Variants in DCP2 observed in about 807,000 individuals in gnomAD.
DCP2 encodes the protein decapping mRNA 2, also known as m7GpppN-mRNA hydrolase.
A neutral mutation model predicts 56.1 loss-of-function variants in DCP2; 30 were observed. The ratio of observed to expected loss-of-function variants is 0.53; its 90% CI spans 0.40 to 0.73. The LOEUF is 0.73. Ranked by LOEUF, DCP2 falls within the 30% of genes least tolerant of loss-of-function variation. The probability of loss-of-function intolerance (pLI) is 0.00; values close to 1 mark genes in which losing one functional copy is unlikely to be tolerated. For missense variants in DCP2, 533 were observed against 502.7 expected (o/e 1.06, Z -0.58); for synonymous variants, 197 against 163.3 (o/e 1.21, Z -1.57).
In DCP2 at chr5:113,013,443, A is replaced by G. The variant is rs773964328; in HGVS notation, c.1222A>G (p.Lys408Glu). The G allele has an allele frequency of 1.2e-6, 2 of 1,614,072 alleles. No individual in the cohort carries two copies. The highest frequency in any genetic ancestry group is 1.7e-6 in the Non-Finnish European group (2 of 1,179,984). Reference sequence around the variant, plus strand: ...TTCATCCAGAGCCTTTTTGAGTTTCAAGTTTGACCATAATGCTATAATGAA... The same window carrying G: ...TTCATCCAGAGCCTTTTTGAGTTTCGAGTTTGACCATAATGCTATAATGAA... Reference protein sequence around the residue: ...PFSSRAFLSFKFDHNAIMKIL... With the variant: ...PFSSRAFLSFEFDHNAIMKIL... The change falls in exon 11 of 11, where the codon AAG becomes GAG. Residue 408 changes from lysine (K) to glutamate (E), a missense_variant. Lys to Glu is a moderately conservative substitution (Grantham distance 56). Coordinates refer to ENST00000389063, the MANE Select transcript of DCP2 (RefSeq NM_152624.6).
rs1470796647 is a variant in DCP2 at position 113,020,758 on chromosome 5, C to A, written c.*7274C>A. ...TCTCCACTGAGAAAATGAACAAAAT[C>A]CTATGTCTTAACAGTTATGCTCTAA... On this transcript the variant is annotated 3_prime_UTR_variant, in exon 11 of 11. Coordinates refer to ENST00000389063, the MANE Select transcript of DCP2 (RefSeq NM_152624.6). 1 of 152,116 alleles carries A rather than the reference C, an allele frequency of 6.6e-6. No individual in the cohort carries two copies. The highest frequency in any genetic ancestry group is 2.4e-5 in the African/African-American group (1 of 41,420). 9.4% of individuals were successfully genotyped at this position (152,116 alleles called of 1,614,324 possible).
chr5:112,992,618 A>G, intron 3 of DCP2, 54 bp from the exon 4 acceptor site: 1 of 1,274,484 alleles, frequency 7.8e-7, no homozygotes, highest in Admixed American at 2.3e-5. Flanking sequence ...GATTTTTAGA[A>G]AGGAGCATGG....
intron 4 of DCP2, among the ~76,000 whole-genome samples, chr5:112,997,701 G>A (rs1296049733): frequency 6.6e-6 from 1 of 150,558 alleles, no homozygotes; most frequent in African/African-American, 2.4e-5. Context: ...CCCAACCTCC[G>A]CCTCCCGGGT....
intron 8 of DCP2, 100 bp downstream of exon 8, chr5:113,004,177 C>A: frequency 7.5e-7 from 1 of 1,328,476 alleles, no homozygotes; most frequent in East Asian, 2.4e-5. Flanking sequence ...ACAGAGAGCT[C>A]TGAGTTACTG....
chr5:112,998,331 A>T (rs564911202), intron 4 of DCP2, among the ~76,000 whole-genome samples: 7 of 152,150 alleles, frequency 4.6e-5, no homozygotes, highest in Non-Finnish European at 4.4e-5. Context: ...GCAAACTCCT[A>T]TTTATCTTTT....
rs1749649665 is a variant in DCP2 at position 113,010,737 on chromosome 5, T to TG, written c.1048-19_1048-18insG. On this transcript the variant is annotated intron_variant, in intron 9 of 10. Coordinates refer to ENST00000389063, the MANE Select transcript of DCP2 (RefSeq NM_152624.6). Reference sequence around the variant, plus strand: ...GTGTTGTATGTGTGTGTGTGTGTGTTTTTTTTTTTTTTAAATAGAAGTGTG... The same window carrying TG: ...GTGTTGTATGTGTGTGTGTGTGTGTTGTTTTTTTTTTTTAAATAGAAGTGTG... 5 of 1,027,160 alleles carry TG rather than the reference T, an allele frequency of 4.9e-6. No homozygotes were observed. In the East Asian group the frequency reaches 9.1e-5, roughly 19 times the overall value. 63.6% of individuals were successfully genotyped at this position (1,027,160 alleles called of 1,614,324 possible).
At chr5:112,999,042 T>A (rs1748999129) in intron 4 of DCP2, among the ~76,000 whole-genome samples, 1 of 152,238 alleles carries the variant, frequency 6.6e-6, no homozygotes, top group Non-Finnish European at 1.5e-5. Context: ...GACACGTCTC[T>A]TCAGTCTCCT....
At position 113,014,868 on chromosome 5, in the gene DCP2, AG is replaced by A. The variant is rs1749820733; in HGVS notation, c.*1386del. 6.5e-6 allele frequency: 1 copy of A among 152,672 alleles called. No homozygotes were observed. The highest frequency in any genetic ancestry group is 1.5e-5 in the Non-Finnish European group (1 of 68,038). The allele number at this position is 152,672 out of a possible 1,614,324, so 9.5% of individuals were successfully genotyped here. ...TATTGTAGAAATCTTTATTCTGTGT[AG>A]GTAGCCTATTTAATTGGGTTCCACT... On this transcript the variant is annotated 3_prime_UTR_variant, in exon 11 of 11. Transcript: ENST00000389063.
chr5:112,984,703 A>AAATAT, intron 1 of DCP2: 5 of 64,846 alleles, frequency 7.7e-5, no homozygotes, highest in African/African-American at 2.4e-4. Context: ...AAAAAAAAAA[A>AAATAT]ATATATATAT....
chr5:112,996,346 G>T (rs1272709113), intron 4 of DCP2, among the ~76,000 whole-genome samples: 1 of 152,116 alleles, frequency 6.6e-6, no homozygotes, highest in Non-Finnish European at 1.5e-5. Context: ...ATTAACAGAT[G>T]AGGAGAGATT....
intron 1 of DCP2, chr5:112,984,067 C>G (rs190221489): frequency 6.6e-6 from 1 of 152,110 alleles, no homozygotes; most frequent in Non-Finnish European, 1.5e-5. Context: ...GATAAAGGCA[C>G]AGGGAACTAT....
In DCP2 at chr5:112,997,574, A is replaced by T. The variant is rs564051326; in HGVS notation, c.433-3510A>T. ...AGACAGGATTTCATTGTCTTTGTAC[A>T]CTGCTGCTCTTTGGGTTACACTTTT... On this transcript the variant is annotated intron_variant, in intron 4 of 10. Transcript: ENST00000389063. Among the ~76,000 whole-genome samples the T allele has an allele frequency of 1.2e-3, 186 of 151,058 alleles. 1 individual carries two copies. The highest frequency in any genetic ancestry group is 2.3e-3 in the Non-Finnish European group (157 of 67,732).
Position 113,016,211 on chromosome 5 carries a change from A to T in DCP2, c.*2727A>T, listed in dbSNP as rs1580844263. 2 of 152,742 alleles carry T rather than the reference A, an allele frequency of 1.3e-5. No individual in the cohort carries two copies. Among genetic ancestry groups the T allele is most frequent in the South Asian group, 4.1e-4 (2 of 4,830 alleles). 9.5% of individuals were successfully genotyped at this position (152,742 alleles called of 1,614,324 possible). ...GGGTGTGGTTTACATGCTTTTCAAA[A>T]ATTTTTGTTAAGAAGTAGCAAATGA... On this transcript the variant is annotated 3_prime_UTR_variant, in exon 11 of 11. Coordinates refer to ENST00000389063, the MANE Select transcript of DCP2 (RefSeq NM_152624.6).
chr5:113,016,616 CT>C lies in DCP2; in HGVS notation c.*3133del, dbSNP rs777005098. ...AATCTGAGTAAATAACAGCCTCCTACTATAGGAATTAGATTCTTCTATAAAA... is the reference window on the plus strand; with the variant it reads ...AATCTGAGTAAATAACAGCCTCCTACATAGGAATTAGATTCTTCTATAAAA... On this transcript the variant is annotated 3_prime_UTR_variant, in exon 11 of 11. Coordinates refer to ENST00000389063, the MANE Select transcript of DCP2 (RefSeq NM_152624.6). 8.5e-5 allele frequency: 13 copies of C among 152,138 alleles called. No individual in the cohort carries two copies. The highest frequency in any genetic ancestry group is 1.6e-4 in the Non-Finnish European group (11 of 68,022). The allele number at this position is 152,138 out of a possible 1,614,324, so 9.4% of individuals were successfully genotyped here.
rs1222698264 is a variant in DCP2, at chr5:113,015,230, A to G, written c.*1746A>G. 6.5e-6 allele frequency: 1 copy of G among 152,674 alleles called. No homozygotes were observed. The highest frequency in any genetic ancestry group is 1.5e-5 in the Non-Finnish European group (1 of 68,050). 9.5% of individuals were successfully genotyped at this position (152,674 alleles called of 1,614,324 possible). A position where few individuals can be genotyped will look rare whatever the true frequency, so the allele number is the denominator to read the frequency against. On this transcript the variant is annotated 3_prime_UTR_variant, in exon 11 of 11. Transcript: ENST00000389063. ...TCGAGCCATATTTATAGTTGGTCCC[A>G]GCATTCCAGACTTCTGGTAAATTGT... is the stretch of plus-strand genomic sequence containing the variant.
Position 112,985,824 on chromosome 5 carries a change from GT to G in DCP2, c.54-6del. 2 of 1,592,674 alleles carry G rather than the reference GT, an allele frequency of 1.3e-6. No homozygotes were observed. The highest frequency in any genetic ancestry group is 1.7e-4 in the Middle Eastern group (1 of 6,002). Reference sequence around the variant, plus strand: ...TAAATGTAATTTTTGTATGTGTTTTGTTTTTGACAGCCGATTTATTTTGCAT... The same window carrying G: ...TAAATGTAATTTTTGTATGTGTTTTGTTTTGACAGCCGATTTATTTTGCAT... On this transcript the variant is annotated splice_polypyrimidine_tract_variant and intron_variant, in intron 1 of 10. Transcript: ENST00000389063.
intron 1 of DCP2, among the ~76,000 whole-genome samples, chr5:112,983,145 C>T (rs975167461): frequency 6.6e-6 from 1 of 152,206 alleles, no homozygotes; most frequent in Non-Finnish European, 1.5e-5. Context: ...GAAGTTCCTT[C>T]AGAAACCAAG....
At chr5:113,008,879 C>G (rs573755470) in intron 9 of DCP2, among the ~76,000 whole-genome samples, 6 of 151,108 alleles carry the variant, frequency 4.0e-5, no homozygotes, top group Non-Finnish European at 7.4e-5. Context: ...GAGTCTCTCT[C>G]TGTCACCAAG....
intron 10 of DCP2, among the ~76,000 whole-genome samples, chr5:113,012,504 G>A (rs755471035): frequency 6.6e-6 from 1 of 152,174 alleles, no homozygotes; most frequent in Non-Finnish European, 1.5e-5. Context: ...TTCTACCCCA[G>A]CCTCTTGATG....
Sources: gnomAD v4.1 joint callset for allele counts (sites outside exome capture counted in the v4.1 genomes callset) on GRCh38, gnomAD v4.1.1 for gene constraint, MANE v1.5 for transcripts, NCBI Gene and HGNC (gene_info 2026-07-23, HGNC 2026-07-21) for gene names.